PIEZO1: variants seen among roughly 807,000 people sequenced by gnomAD.
PIEZO1 encodes the protein piezo-type mechanosensitive ion channel component 1.
A neutral mutation model predicts 297.2 loss-of-function variants in PIEZO1; 296 were observed. That is an observed-to-expected ratio of 1.00 (90% CI 0.91 to 1.10). PIEZO1 has a LOEUF of 1.10. Ranked by LOEUF, PIEZO1 falls within the 50% of genes least tolerant of loss-of-function variation. The probability of loss-of-function intolerance (pLI) is 0.00; values close to 1 mark genes in which losing one functional copy is unlikely to be tolerated. For synonymous variants in PIEZO1, 2,427 were observed against 1,507.5 expected (o/e 1.61, Z -14.13); for missense variants, 5,018 against 3,455.5 (o/e 1.45, Z -11.34).
At position 88,732,421 on chromosome 16, in the gene PIEZO1, T is replaced by A; in HGVS notation, c.2905A>T (p.Ser969Cys). The change falls in exon 21 of 51, where the codon AGC (serine) becomes TGC (cysteine). Residue 969 changes from serine (S) to cysteine (C), a missense_variant. Physicochemically the swap from Ser to Cys is moderately radical, Grantham distance 112. Coordinates refer to ENST00000301015, the MANE Select transcript of PIEZO1 (RefSeq NM_001142864.4). ...APLPAQAVFASGTRQQLDQDL... is the reference protein window; with the variant it reads ...APLPAQAVFACGTRQQLDQDL... The stretch of plus-strand genomic sequence containing the variant: ...TGGTCCAGCTGCTGGCGGGTGCCGC[T>A]GGCAAACACGGCCTGGGCAGGCAGC... The A allele has an allele frequency of 6.5e-7, 1 of 1,549,730 alleles. No homozygotes were observed. Among genetic ancestry groups the A allele is most frequent in the Non-Finnish European group, 8.7e-7 (1 of 1,146,532 alleles).
intron 12 of PIEZO1, 125 bp from the exon 13 acceptor site, chr16:88,735,371 C>A (rs1439202270): frequency 4.4e-6 from 3 of 680,418 alleles, no homozygotes; most frequent in Non-Finnish European, 5.3e-6. Context: ...AGCCCATCCA[C>A]CGCAGCCTCC....
rs1473946117 is a variant in PIEZO1 at position 88,738,379 on chromosome 16, G to C, written c.696C>G (p.Thr232=). The part of the protein sequence containing the change: ...VYLLLFLALC[T]WWACHFPIST... ...TGATGGGAAAGTGGCAGGCCCACCA[G>C]GTGCAGAGGGCCAGGAAGAGCAGCA... The change falls in exon 7 of 51, where the codon ACC becomes ACG. Residue 232 remains threonine, a synonymous_variant. Coordinates refer to ENST00000301015, the MANE Select transcript of PIEZO1 (RefSeq NM_001142864.4). 6.5e-6 allele frequency: 10 copies of C among 1,535,754 alleles called. No individual in the cohort carries two copies. Among genetic ancestry groups the C allele is most frequent in the South Asian group, 1.2e-5 (1 of 84,070 alleles).
chr16:88,768,207 G>A (rs1041573883), intron 1 of PIEZO1, among the ~76,000 whole-genome samples: 11 of 152,308 alleles, frequency 7.2e-5, no homozygotes, highest in African/African-American at 1.2e-4. Context: ...CCTCTTGTGC[G>A]GCCTGGCACA....
Position 88,736,348 on chromosome 16 carries a change from T to G in PIEZO1, c.1357A>C (p.Ile453Leu), listed in dbSNP as rs370683016. The G allele has an allele frequency of 1.7e-4, 264 of 1,549,982 alleles. 2 individuals carry two copies. Among genetic ancestry groups the G allele is most frequent in the Non-Finnish European group, 2.1e-4 (238 of 1,146,726 alleles). The change falls in exon 12 of 51, where the codon ATC becomes CTC. Residue 453 changes from isoleucine to leucine, a missense_variant. Physicochemically the swap from Ile to Leu is conservative, Grantham distance 5. Transcript: ENST00000301015. Reference protein sequence around the residue: ...TFVLLLWACLIWTVRSRHQLA... With the variant: ...TFVLLLWACLLWTVRSRHQLA... ...TGGTGGCGGCTGCGCACCGTCCAGA[T>G]GAGGCAGGCCCAGAGCAGCAGTACG...
intron 44 of PIEZO1, chr16:88,718,594 C>T (rs985610098): frequency 6.6e-6 from 1 of 152,382 alleles, no homozygotes; most frequent in East Asian, 1.9e-4. Context: ...GCTGTCTGAG[C>T]CTGTTTTCAT....
chr16:88,732,752 C>T lies in PIEZO1; in HGVS notation c.2665-20G>A. The T allele has an allele frequency of 6.5e-7, 1 of 1,530,358 alleles. No homozygotes were observed. Among genetic ancestry groups the T allele is most frequent in the Non-Finnish European group, 8.8e-7 (1 of 1,134,970 alleles). 94.8% of individuals were successfully genotyped at this position (1,530,358 alleles called of 1,614,324 possible). On this transcript the variant is annotated intron_variant, in intron 19 of 50. Transcript: ENST00000301015. The stretch of plus-strand genomic sequence containing the variant: ...GAAGGGCTGGCAAGAGGCCAGGCAT[C>T]AGTGCCCCCTCCCAGGCCACAGTGC...
At chr16:88,742,233 G>A in intron 3 of PIEZO1, 67 bp downstream of exon 3, 1 of 1,504,366 alleles carries the variant, frequency 6.6e-7, no homozygotes, top group South Asian at 1.2e-5. Flanking sequence ...GAGACTCGGG[G>A]TCACTGCAGG....
intron 44 of PIEZO1, 128 bp downstream of exon 44, chr16:88,719,446 T>C: frequency 1.2e-6 from 1 of 841,362 alleles, no homozygotes; most frequent in Non-Finnish European, 1.9e-6. Context: ...GCTCGCCTCA[T>C]GTCCCCATGG....
Position 88,720,449 on chromosome 16 carries a change from G to T in PIEZO1, c.5885C>A (p.Ala1962Asp). Residue 1962 changes from alanine to aspartate, a missense_variant, in exon 41 of 51, where the codon GCC becomes GAC. By Grantham distance (126) the Ala-to-Asp change is moderately radical (BLOSUM62 -2). Coordinates refer to ENST00000301015, the MANE Select transcript of PIEZO1 (RefSeq NM_001142864.4). ...GACAACATCAGCCAGGAACATGAGG[G>T]CATAGACGTCGGTGGCTGCGCGGTA... is the stretch of plus-strand genomic sequence containing the variant. ...TKYRAATDVY[A>D]LMFLADVVDF... 1.3e-6 allele frequency: 2 copies of T among 1,550,488 alleles called. No individual in the cohort carries two copies. Among genetic ancestry groups the T allele is most frequent in the Non-Finnish European group, 1.7e-6 (2 of 1,146,948 alleles).
At chr16:88,741,410 C>T in intron 5 of PIEZO1, 68 bp downstream of exon 5, 1 of 1,352,258 alleles carries the variant, frequency 7.4e-7, no homozygotes, top group Non-Finnish European at 9.9e-7. Context: ...TAAAATAACC[C>T]TCAAAATGGC....
In PIEZO1 at chr16:88,725,106, G is replaced by C. The variant is rs12920136; in HGVS notation, c.4163-26C>G. The C allele has an allele frequency of 3.4e-6, 5 of 1,485,920 alleles. No individual in the cohort carries two copies. In the African/African-American group the frequency reaches 5.7e-5, roughly 17 times the overall value. The allele number at this position is 1,485,920 out of a possible 1,614,324, so 92.0% of individuals were successfully genotyped here. A position where few individuals can be genotyped will look rare whatever the true frequency, so the allele number is the denominator to read the frequency against. Reference sequence around the variant, plus strand: ...CTGTGGAGGGGCAGGGTGAGCATGAGGCAGCAGTCAAGCCACCAGGAGGGG... The same window carrying C: ...CTGTGGAGGGGCAGGGTGAGCATGACGCAGCAGTCAAGCCACCAGGAGGGG... On this transcript the variant is annotated intron_variant, in intron 29 of 50. Transcript: ENST00000301015.
rs908880322 is a variant in PIEZO1 at position 88,716,098 on chromosome 16, C to G, written c.7151G>C (p.Gly2384Ala). Reference protein sequence around the residue: ...LQPNEEADYLGVRIQLRREQG... With the variant: ...LQPNEEADYLAVRIQLRREQG... ...CTCCCTCCGCAGCTGGATACGCACG[C>G]CGAGGTAGTCGGCCTCCTCATCTGG... The change falls in exon 50 of 51, where the codon GGC (glycine) becomes GCC (alanine). Residue 2384 changes from glycine (G) to alanine (A), a missense_variant. Coordinates refer to ENST00000301015, the MANE Select transcript of PIEZO1 (RefSeq NM_001142864.4). 10 of 1,547,616 alleles carry G rather than the reference C, an allele frequency of 6.5e-6. No individual in the cohort carries two copies. The African/African-American group carries it at 9.6e-5, about 15-fold the overall frequency.
intron 1 of PIEZO1, among the ~76,000 whole-genome samples, chr16:88,758,771 C>T (rs895997339): frequency 6.6e-6 from 1 of 152,200 alleles, no homozygotes; most frequent in Non-Finnish European, 1.5e-5. Context: ...TTAGTTTGTT[C>T]GTCTATAAAT....
At chr16:88,770,618 G>A (rs1907381764) in intron 1 of PIEZO1, among the ~76,000 whole-genome samples, 1 of 152,338 alleles carries the variant, frequency 6.6e-6, no homozygotes, top group South Asian at 2.1e-4. Flanking sequence ...GCCTGAACAC[G>A]GTCCTGGGTG....
At chr16:88,778,208 C>T (rs764954085) in intron 1 of PIEZO1, among the ~76,000 whole-genome samples, 1 of 152,216 alleles carries the variant, frequency 6.6e-6, no homozygotes, top group Non-Finnish European at 1.5e-5. Context: ...CCCCTTCCTG[C>T]TTTTGGGGGT....
At position 88,753,352 on chromosome 16, in the gene PIEZO1, C is replaced by G. The variant is rs1033324822; in HGVS notation, c.65-3873G>C. ...CACACCTGCCACCCCCAGAGCACAC[C>G]CACTCACCCAAGGACGGGCTGAGAC... On this transcript the variant is annotated intron_variant, in intron 1 of 50. Coordinates refer to ENST00000301015, the MANE Select transcript of PIEZO1 (RefSeq NM_001142864.4). 2.7e-5 allele frequency among the ~76,000 whole-genome samples: 4 copies of G among 145,988 alleles called. No individual in the cohort carries two copies. In the Admixed American group the frequency reaches 2.7e-4, roughly 10 times the overall value.
chr16:88,753,155 A>G lies in PIEZO1; in HGVS notation c.65-3676T>C, dbSNP rs1437098120. Reference sequence around the variant, plus strand: ...AGCACCCCTGCCCCCCCAGAGCACAACCGCCCCCCCAGAGCACACCTATCC... The same window carrying G: ...AGCACCCCTGCCCCCCCAGAGCACAGCCGCCCCCCCAGAGCACACCTATCC... On this transcript the variant is annotated intron_variant, in intron 1 of 50. Transcript: ENST00000301015. Among the ~76,000 whole-genome samples the G allele has an allele frequency of 1.1e-4, 6 of 54,206 alleles. No homozygotes were observed. In the East Asian group the frequency reaches 3.8e-3, roughly 34 times the overall value. 35.6% of individuals were successfully genotyped at this position (54,206 alleles called of 152,430 possible).
In PIEZO1 at chr16:88,725,062, C is replaced by T. The variant is rs1904328635; in HGVS notation, c.4181G>A (p.Gly1394Asp). 3 of 1,498,750 alleles carry T rather than the reference C, an allele frequency of 2.0e-6. No homozygotes were observed. The highest frequency in any genetic ancestry group is 2.7e-6 in the Non-Finnish European group (3 of 1,126,290). The allele number at this position is 1,498,750 out of a possible 1,614,324, so 92.8% of individuals were successfully genotyped here. Residue 1394 changes from glycine to aspartate, a missense_variant, in exon 30 of 51, where the codon GGC (glycine) becomes GAC (aspartate). Transcript: ENST00000301015. ...GLEPGPDSPG[G>D]SSPPRRQWWR... ...CCACTGCCTCCGTGGCGGGGAGGAG[C>T]CCCCTGGACTGTCGGGCCCTGTGGA...
intron 22 of PIEZO1, 190 bp downstream of exon 22, chr16:88,731,516 C>A: frequency 1.7e-6 from 1 of 583,824 alleles, no homozygotes; most frequent in Non-Finnish European, 3.0e-6. Flanking sequence ...CTGGAGGGGG[C>A]CAGGCCGCCC....
Sources: gnomAD v4.1 joint callset for allele counts (sites outside exome capture counted in the v4.1 genomes callset) on GRCh38, gnomAD v4.1.1 for gene constraint, MANE v1.5 for transcripts, NCBI Gene and HGNC (gene_info 2026-07-23, HGNC 2026-07-21) for gene names.